The following SLC5A11 variants were observed in gnomAD, a reference collection of about 807,000 sequenced individuals.
SLC5A11 encodes the protein solute carrier family 5 member 11.
In SLC5A11, 48 loss-of-function variants were observed where a neutral mutation model predicts 69.8. The observed-to-expected ratio is 0.69, with a 90% CI of 0.55 to 0.87. SLC5A11 has a LOEUF of 0.87. Among genes scored for constraint, SLC5A11 ranks in the 40% least tolerant of loss-of-function variants. SLC5A11 has a pLI of 0.00. For synonymous variants in SLC5A11, 319 were observed against 342.4 expected (o/e 0.93, Z 0.75); for missense variants, 784 against 866.1 (o/e 0.91, Z 1.19).
intron 10 of SLC5A11, among the ~76,000 whole-genome samples, chr16:24,905,725 C>T (rs989245274): frequency 6.6e-6 from 1 of 151,402 alleles, no homozygotes; most frequent in Non-Finnish European, 1.5e-5. Context: ...ATCTTCTCTA[C>T]CTGAGCTTTG....
intron 7 of SLC5A11, 50 bp from the exon 9 acceptor site, chr16:24,884,001 C>A (rs1391931713): frequency 6.4e-7 from 1 of 1,565,478 alleles, no homozygotes; most frequent in Admixed American, 1.7e-5. Flanking sequence ...CCCAGAGTAA[C>A]CCCTTCTCGT....
intron 15 of SLC5A11, among the ~76,000 whole-genome samples, chr16:24,910,945 C>T (rs969131215): frequency 2.6e-5 from 4 of 151,910 alleles, no homozygotes; most frequent in Admixed American, 2.6e-4. Flanking sequence ...GAGGTGGGTG[C>T]ATCACTTGAA....
chr16:24,860,690 A>C (rs1420932499), intron 2 of SLC5A11, among the ~76,000 whole-genome samples: 2 of 152,014 alleles, frequency 1.3e-5, no homozygotes, highest in Non-Finnish European at 2.9e-5. Context: ...GAAAAATAAT[A>C]TCTCAAAGTT....
intron 8 of SLC5A11, among the ~76,000 whole-genome samples, chr16:24,887,556 T>C (rs1293127333): frequency 1.3e-5 from 2 of 152,068 alleles, no homozygotes; most frequent in Non-Finnish European, 2.9e-5. Context: ...AGTTTTTTTT[T>C]CCTAAAAGAG....
exon 16 of SLC5A11, chr16:24,911,476 C>A: frequency 4.3e-6 from 7 of 1,614,098 alleles, no homozygotes; most frequent in African/African-American, 1.3e-5. Context: ...CCCTCCTGGA[C>A]GTCAACCTCA....
chr16:24,869,769 A>T (rs910079027), intron 3 of SLC5A11, 132 bp from the exon 5 acceptor site: 2 of 618,020 alleles, frequency 3.2e-6, no homozygotes, highest in African/African-American at 3.7e-5. Flanking sequence ...CAAAAATGCC[A>T]GATAGGCTAG....
At chr16:24,872,057 G>A (rs2047337645) in intron 4 of SLC5A11, 103 bp from the exon 6 acceptor site, 1 of 1,278,034 alleles carries the variant, frequency 7.8e-7, no homozygotes, top group Non-Finnish European at 1.1e-6. Flanking sequence ...GACTACACCA[G>A]AGGTGGAGTT....
chr16:24,878,804 G>A (rs967822134), intron 7 of SLC5A11, among the ~76,000 whole-genome samples: 1 of 152,180 alleles, frequency 6.6e-6, no homozygotes, highest in Admixed American at 6.5e-5. Flanking sequence ...AGGCCGAGGC[G>A]GGTGGATCAC....
At chr16:24,859,785 A>T (rs1254596209) in intron 2 of SLC5A11, among the ~76,000 whole-genome samples, 1 of 152,168 alleles carries the variant, frequency 6.6e-6, no homozygotes, top group African/African-American at 2.4e-5. Context: ...GTTGTAATTT[A>T]TTTAACTAGT....
intron 13 of SLC5A11, among the ~76,000 whole-genome samples, 167 bp from the exon 15 acceptor site, chr16:24,908,714 T>C (rs908384300): frequency 6.6e-6 from 1 of 151,774 alleles, no homozygotes; most frequent in African/African-American, 2.4e-5. Context: ...TAGTAATCAA[T>C]TCATTATAAA....
At chr16:24,874,550 T>C (rs1182694133) in intron 5 of SLC5A11, among the ~76,000 whole-genome samples, 1 of 152,174 alleles carries the variant, frequency 6.6e-6, no homozygotes, top group African/African-American at 2.4e-5. Context: ...TGTGTAGTGA[T>C]ATCTCACTGC....
chr16:24,901,929 A>AACACACACAC, intron 10 of SLC5A11, among the ~76,000 whole-genome samples: 2 of 111,342 alleles, frequency 1.8e-5, no homozygotes, highest in African/African-American at 7.4e-5. Flanking sequence ...TGGAAAAAAA[A>AACACACACAC]ATACACACAC....
At chr16:24,852,256 C>A (rs1394465120) in intron 1 of SLC5A11, among the ~76,000 whole-genome samples, 1 of 152,128 alleles carries the variant, frequency 6.6e-6, no homozygotes, top group South Asian at 2.1e-4. Context: ...AATCACAGCT[C>A]ACCTTCCCAC....
At chr16:24,895,134 G>A (rs12927120) in intron 9 of SLC5A11, among the ~76,000 whole-genome samples, 32,729 of 149,754 alleles carry the variant, frequency 0.22, 3,907 homozygotes, top group South Asian at 0.42. Context: ...CAGAAAAAAA[G>A]AAAGAAAGAA....
intron 7 of SLC5A11, among the ~76,000 whole-genome samples, chr16:24,878,928 G>C (rs374046989): frequency 6.6e-6 from 1 of 152,178 alleles, no homozygotes; most frequent in East Asian, 1.9e-4. Context: ...CCAGCTACTC[G>C]GGAGGCTGAG....
chr16:24,898,024 A>G (rs1366214751), exon 10 of SLC5A11: 1 of 1,614,142 alleles, frequency 6.2e-7, no homozygotes. Flanking sequence ...ATGCCAAAGG[A>G]GGTGCTCTGA....
At chr16:24,877,343 C>T (rs775623996) in exon 7 of SLC5A11, 3 of 1,613,834 alleles carry the variant, frequency 1.9e-6, no homozygotes, top group Non-Finnish European at 2.5e-6. Context: ...CTGGCCATCA[C>T]TGCTGTATAC....
intron 10 of SLC5A11, among the ~76,000 whole-genome samples, chr16:24,901,956 A>ACACG (rs1393594765): frequency 1.0e-3 from 99 of 95,868 alleles, no homozygotes; most frequent in African/African-American, 2.6e-3. Context: ...ACACACACAC[A>ACACG]CGCACACACA....
chr16:24,910,280 T>G, intron 14 of SLC5A11, 26 bp from the exon 16 acceptor site: 8 of 1,609,766 alleles, frequency 5.0e-6, no homozygotes, highest in Non-Finnish European at 6.8e-6. Context: ...CCACCACAAA[T>G]CTCATCATTC....
Sources: gnomAD v4.1 joint callset for allele counts (sites outside exome capture counted in the v4.1 genomes callset) on GRCh38, gnomAD v4.1.1 for gene constraint, MANE v1.5 for transcripts, NCBI Gene and HGNC (gene_info 2026-07-23, HGNC 2026-07-21) for gene names.